MYOM1: variants seen among roughly 807,000 people sequenced by gnomAD.
MYOM1 encodes the protein myomesin 1, also known as myomesin-1.
A neutral mutation model predicts 205.3 loss-of-function variants in MYOM1; 164 were observed. The observed-to-expected ratio is 0.80, with a 90% CI of 0.70 to 0.91. The LOEUF (loss-of-function observed/expected upper bound fraction) is 0.91. Among genes scored for constraint, MYOM1 ranks in the 40% least tolerant of loss-of-function variants. MYOM1 has a pLI of 0.00. For missense variants in MYOM1, 2,011 were observed against 2,127.3 expected (o/e 0.95, Z 1.08); for synonymous variants, 772 against 789.4 (o/e 0.98, Z 0.37).
At chr18:3,191,352 A>G (rs2080902352) in intron 3 of MYOM1, among the ~76,000 whole-genome samples, 1 of 152,180 alleles carries the variant, frequency 6.6e-6, no homozygotes, top group Non-Finnish European at 1.5e-5. Context: ...CGCCAGGCCT[A>G]CGTGGGACTT....
chr18:3,106,686 G>A (rs2079456158), intron 22 of MYOM1, among the ~76,000 whole-genome samples: 1 of 152,140 alleles, frequency 6.6e-6, no homozygotes, highest in South Asian at 2.1e-4. Context: ...AGTGGGATGT[G>A]GTGGCTGACA....
Position 3,072,350 on chromosome 18 carries a change from CTTTTTTTT to C in MYOM1, c.4709-469_4709-462del, listed in dbSNP as rs78331937. 3.6e-5 allele frequency among the ~76,000 whole-genome samples: 2 copies of C among 56,226 alleles called. 1 individual carries two copies. The highest frequency in any genetic ancestry group is 6.2e-5 in the Non-Finnish European group (2 of 32,208). 36.9% of individuals were successfully genotyped at this position (56,226 alleles called of 152,430 possible). The stretch of plus-strand genomic sequence containing the variant: ...AGCAGGCGTGAGCCACCGCACCCGG[CTTTTTTTT>C]TTTTTTTTTTTTTGAGGCAGAGTCT... On this transcript the variant is annotated intron_variant, in intron 36 of 37. Transcript: ENST00000356443.
chr18:3,134,985 G>A (rs1191546381), intron 15 of MYOM1, 161 bp from the exon 16 acceptor site: 2 of 655,720 alleles, frequency 3.1e-6, no homozygotes, highest in Non-Finnish European at 5.1e-6. Context: ...GTCTCGCTCT[G>A]TCACCCAGGC....
rs965978674 is a variant in MYOM1 at position 3,197,554 on chromosome 18, A to G, written c.291-3596T>C. ...CATTCAATCAATAGAAAAATACTAA[A>G]GACCACACTTGATTTTTTTTAAAAA... On this transcript the variant is annotated intron_variant, in intron 2 of 37. Transcript: ENST00000356443. 2.6e-5 allele frequency among the ~76,000 whole-genome samples: 4 copies of G among 152,182 alleles called. No homozygotes were observed. In the South Asian group the frequency reaches 8.3e-4, roughly 31 times the overall value.
chr18:3,085,228 GCTTTTTTTTTTTTTTTT>G, intron 30 of MYOM1, 96 bp from the exon 31 acceptor site: 5 of 152,302 alleles, frequency 3.3e-5, no homozygotes, highest in Middle Eastern at 1.9e-3. Context: ...TGCTGCTGCT[GCTTTTTTTTTTTTTTTT>G]TTTTTTTTTT....
chr18:3,083,094 T>C (rs2079103636), intron 33 of MYOM1, among the ~76,000 whole-genome samples: 1 of 152,242 alleles, frequency 6.6e-6, no homozygotes, highest in Admixed American at 6.5e-5. Flanking sequence ...TGGCTCCAGA[T>C]GCCTGGCACA....
upstream of MYOM1, among the ~76,000 whole-genome samples, chr18:3,221,964 T>C (rs1265248870): frequency 1.3e-5 from 2 of 152,252 alleles, no homozygotes; most frequent in African/African-American, 4.8e-5. Context: ...GGATGATTCC[T>C]GGTGAGCTGT....
At chr18:3,169,724 T>A (rs8096024) in intron 8 of MYOM1, among the ~76,000 whole-genome samples, 89,579 of 151,988 alleles carry the variant, frequency 0.59, 26,990 homozygotes, top group Non-Finnish European at 0.65. Flanking sequence ...ACAACCACTA[T>A]GGAGAACAGT....
chr18:3,164,113 T>G (rs555006519), intron 10 of MYOM1, among the ~76,000 whole-genome samples, 165 bp downstream of exon 10: 1 of 152,312 alleles, frequency 6.6e-6, no homozygotes, highest in South Asian at 2.1e-4. Flanking sequence ...CACCTTGGCC[T>G]CCCAAAGTGC....
intron 35 of MYOM1, 65 bp downstream of exon 35, chr18:3,075,660 G>T: frequency 6.5e-7 from 1 of 1,532,698 alleles, no homozygotes; most frequent in Non-Finnish European, 9.0e-7. Flanking sequence ...AGAGGGGCGA[G>T]CAGCATGCAA....
At chr18:3,130,422 CAT>C (rs1393399901) in intron 17 of MYOM1, among the ~76,000 whole-genome samples, 13 of 152,112 alleles carry the variant, frequency 8.5e-5, no homozygotes, top group African/African-American at 3.1e-4. Context: ...TTTTAAAAAA[CAT>C]GCGTTACTAT....
intron 31 of MYOM1, 106 bp downstream of exon 31, chr18:3,084,939 C>CA (rs538226466): frequency 1.6e-4 from 141 of 873,410 alleles, no homozygotes; most frequent in Admixed American, 6.5e-4. Context: ...AATCTGTGGA[C>CA]AAAAAAAATC....
At chr18:3,123,512 G>A (rs1015413924) in intron 19 of MYOM1, among the ~76,000 whole-genome samples, 2 of 151,886 alleles carry the variant, frequency 1.3e-5, no homozygotes, top group African/African-American at 4.8e-5. Context: ...AAAATAACAT[G>A]TTCATGGATT....
In MYOM1 at chr18:3,188,858, C is replaced by T. The variant is rs2080861803; in HGVS notation, c.661G>A (p.Val221Met). The T allele has an allele frequency of 1.2e-6, 2 of 1,613,218 alleles. No homozygotes were observed. The highest frequency in any genetic ancestry group is 2.2e-5 in the South Asian group (2 of 91,030). ...GCGGATGTGGCCTGTTTGGAAACCA[C>T]AGACTGCCTGGATGCCGTGGACTGC... ...SRQSTASRQS[V>M]VSKQATSALQ... Residue 221 changes from valine to methionine, a missense_variant, in exon 4 of 38, where the codon GTG becomes ATG. Transcript: ENST00000356443.
upstream of MYOM1, among the ~76,000 whole-genome samples, chr18:3,224,142 C>CTTCA (rs2081342739): frequency 6.6e-6 from 1 of 151,734 alleles, no homozygotes; most frequent in South Asian, 2.1e-4. Flanking sequence ...GATTCTCCTG[C>CTTCA]TTCAGCCTCC....
In MYOM1 at chr18:3,209,559, C is replaced by A. The variant is rs774470839; in HGVS notation, c.290+5375G>T. Among the ~76,000 whole-genome samples the A allele has an allele frequency of 6.6e-6, 1 of 152,226 alleles. No homozygotes were observed. The highest frequency in any genetic ancestry group is 1.5e-5 in the Non-Finnish European group (1 of 68,042). ...GCCCTCCATGATCAGTCCTGCCCAA[C>A]CCATCACCTTTCTGACATCCTCTCC... On this transcript the variant is annotated intron_variant, in intron 2 of 37. Transcript: ENST00000356443. This position sits in a 1 kb window ranked among gnomAD's most constrained non-coding sequence, Gnocchi z 4.0.
chr18:3,194,690 T>C (rs748610373), intron 2 of MYOM1, among the ~76,000 whole-genome samples: 2 of 152,172 alleles, frequency 1.3e-5, no homozygotes, highest in African/African-American at 2.4e-5. Flanking sequence ...AAGAATAGTC[T>C]TAATTTATAT....
chr18:3,081,745 A>G (rs965647149), intron 33 of MYOM1, among the ~76,000 whole-genome samples: 2 of 152,258 alleles, frequency 1.3e-5, no homozygotes, highest in African/African-American at 4.8e-5. Context: ...GAAACAGAAC[A>G]AAGGAATAAG....
In MYOM1 at chr18:3,105,543, C is replaced by A. The variant is rs551265644; in HGVS notation, c.3419-2913G>T. On this transcript the variant is annotated intron_variant, in intron 22 of 37. Transcript: ENST00000356443. ...TTGAATGGCCAAATTTGGTCCCAAA[C>A]CCATGAAACTTGGAGAATAAGAAAA... 5.1e-3 allele frequency among the ~76,000 whole-genome samples: 775 copies of A among 152,196 alleles called. 5 individuals are homozygous for A. The highest frequency in any genetic ancestry group is 0.018 in the African/African-American group (742 of 41,532).
Sources: gnomAD v4.1 joint callset for allele counts (sites outside exome capture counted in the v4.1 genomes callset) on GRCh38, gnomAD v4.1.1 for gene constraint, Gnocchi (gnomAD v3.1) non-coding constraint, MANE v1.5 for transcripts, NCBI Gene and HGNC (gene_info 2026-07-23, HGNC 2026-07-21) for gene names.